The following CTNNAL1 variants were observed in gnomAD, a reference collection of about 807,000 sequenced individuals.
CTNNAL1 encodes the protein catenin alpha like 1, also known as alpha-catulin.
Under a neutral mutation model 93.6 loss-of-function variants are expected in CTNNAL1, and 69 were observed. The observed-to-expected ratio is 0.74, with a 90% CI of 0.61 to 0.90. The LOEUF is 0.90. CTNNAL1 is among the 40% of genes least tolerant of loss of function. The pLI, the probability that CTNNAL1 is intolerant of heterozygous loss-of-function variation, is 0.00. For synonymous variants in CTNNAL1, 286 were observed against 305.4 expected, an observed-to-expected ratio of 0.94 and a Z score of 0.66; for missense variants, 836 against 862.0, an observed-to-expected ratio of 0.97 and a Z score of 0.38.
intron 14 of CTNNAL1, chr9:108,950,429 T>C: frequency 6.9e-7 from 1 of 1,448,054 alleles, no homozygotes; most frequent in Non-Finnish European, 9.2e-7. Flanking sequence ...TGATGGAAAA[T>C]ATGATAAGGT....
rs545788573 is a variant in CTNNAL1 at position 109,012,525 on chromosome 9, A to G, written c.141+777T>C. Among the ~76,000 whole-genome samples the G allele has an allele frequency of 3.2e-4, 49 of 152,338 alleles. No individual in the cohort carries two copies. The Middle Eastern group carries it at 0.02, about 63-fold the overall frequency. On this transcript the variant is annotated intron_variant, in intron 1 of 18. Coordinates refer to ENST00000325551, the MANE Select transcript of CTNNAL1 (RefSeq NM_003798.4). ...TGAGGAATTCTAGCCCTGAAGCTGC[A>G]TATAACCCAGCTCAGAGAAACAAAA...
In CTNNAL1 at chr9:108,952,140, A is replaced by T; in HGVS notation, c.1835+69T>A. On this transcript the variant is annotated intron_variant, in intron 14 of 18. Coordinates refer to ENST00000325551, the MANE Select transcript of CTNNAL1 (RefSeq NM_003798.4). ...GACTTTAACCTGTCAATGATTTAAC[A>T]TGGAACTTTTTTCTTTACACCAGAT... The T allele has an allele frequency of 2.2e-6, 3 of 1,348,138 alleles. 1 individual carries two copies. The highest frequency in any genetic ancestry group is 2.8e-5 in the South Asian group (2 of 70,386). 83.5% of individuals were successfully genotyped at this position (1,348,138 alleles called of 1,614,324 possible).
chr9:108,977,334 C>A, intron 7 of CTNNAL1: 1 of 184,540 alleles, frequency 5.4e-6, no homozygotes, highest in Non-Finnish European at 1.1e-5. Flanking sequence ...ATCTAATTTT[C>A]TTTAATAAAC....
At chr9:108,989,841 G>A (rs1831732208) in intron 4 of CTNNAL1, among the ~76,000 whole-genome samples, 1 of 152,150 alleles carries the variant, frequency 6.6e-6, no homozygotes, top group Non-Finnish European at 1.5e-5. Context: ...CCTGAGATTA[G>A]GAGTTCGAGA....
chr9:108,968,586 C>A (rs1831022887), intron 10 of CTNNAL1, among the ~76,000 whole-genome samples: 1 of 152,200 alleles, frequency 6.6e-6, no homozygotes, highest in South Asian at 2.1e-4. Flanking sequence ...ATTGAAGACA[C>A]AGTTTCTCCC....
chr9:108,990,620 C>A, intron 4 of CTNNAL1, 106 bp downstream of exon 4: 1 of 1,384,446 alleles, frequency 7.2e-7, no homozygotes. Context: ...AGGCTATAGA[C>A]TTAATAAGCA....
At chr9:109,000,332 T>C (rs1826754982) in intron 1 of CTNNAL1, among the ~76,000 whole-genome samples, 1 of 152,190 alleles carries the variant, frequency 6.6e-6, no homozygotes, top group Non-Finnish European at 1.5e-5. Context: ...TATGGTAGAA[T>C]AGCAATAATT....
chr9:108,942,658 ATTG>A lies in CTNNAL1; in HGVS notation c.*108_*110del, dbSNP rs2132071063. On this transcript the variant is annotated 3_prime_UTR_variant, in exon 19 of 19. Transcript: ENST00000325551. The stretch of plus-strand genomic sequence containing the variant: ...TCAGAAAATAGAGCAAAATTTCAAT[ATTG>A]TTTTCTTTATAAAATTGATGAATTT... The A allele has an allele frequency of 8.9e-6, 7 of 790,734 alleles. No homozygotes were observed. The highest frequency in any genetic ancestry group is 2.6e-5 in the Admixed American group (1 of 38,158). 49.0% of individuals were successfully genotyped at this position (790,734 alleles called of 1,614,324 possible).
intron 11 of CTNNAL1, among the ~76,000 whole-genome samples, chr9:108,958,531 T>C (rs1294051146): frequency 6.6e-6 from 1 of 152,106 alleles, no homozygotes; most frequent in African/African-American, 2.4e-5. Flanking sequence ...TTGAGGATAA[T>C]TGCAAAATTG....
chr9:108,974,958 T>G (rs1831220650), intron 8 of CTNNAL1, among the ~76,000 whole-genome samples: 1 of 151,668 alleles, frequency 6.6e-6, no homozygotes, highest in Non-Finnish European at 1.5e-5. Context: ...AGGTCAGGAG[T>G]TTGAGACCAG....
chr9:109,000,584 T>G (rs765445979), intron 1 of CTNNAL1, among the ~76,000 whole-genome samples: 13 of 152,056 alleles, frequency 8.5e-5, no homozygotes, highest in Non-Finnish European at 1.8e-4. Context: ...CTACCTGAAA[T>G]TGACTGGTCT....
rs1166231163 is a variant in CTNNAL1, at chr9:109,013,371, G to A, written c.72C>T (p.Phe24=). Residue 24 remains phenylalanine, a synonymous_variant, in exon 1 of 19, where the codon TTC becomes TTT. Transcript: ENST00000325551. ...TGATCTCCAGTCCCGAGTCGAGGGC[G>A]AAGCCCGAAGAGCCGGAGCCGTAGA... ...GAVYGSGSSG[F]ALDSGLEIKT... is the part of the protein sequence containing the mutation. 2 of 1,513,476 alleles carry A rather than the reference G, an allele frequency of 1.3e-6. No homozygotes were observed. Among genetic ancestry groups the A allele is most frequent in the South Asian group, 1.2e-5 (1 of 80,250 alleles). The allele number at this position is 1,513,476 out of a possible 1,614,324, so 93.8% of individuals were successfully genotyped here.
intron 1 of CTNNAL1, among the ~76,000 whole-genome samples, chr9:109,012,975 A>C (rs1276153667): frequency 6.6e-6 from 1 of 151,970 alleles, no homozygotes; most frequent in Admixed American, 6.5e-5. Flanking sequence ...CGCCCCGCGG[A>C]GGGGGCATCG....
At chr9:108,983,074 T>C in intron 6 of CTNNAL1, 71 bp downstream of exon 6, 2 of 1,221,190 alleles carry the variant, frequency 1.6e-6, no homozygotes, top group Non-Finnish European at 1.0e-6. Context: ...CGAGACTCCA[T>C]CTCAAAAAAT....
intron 2 of CTNNAL1, 27 bp from the exon 3 acceptor site, chr9:108,992,846 T>C: frequency 4.4e-6 from 7 of 1,588,076 alleles, no homozygotes; most frequent in African/African-American, 1.4e-5. Flanking sequence ...GGGGAGAAAG[T>C]TAAACAGGCA....
At chr9:109,012,359 C>T (rs1380690970) in intron 1 of CTNNAL1, among the ~76,000 whole-genome samples, 3 of 152,148 alleles carry the variant, frequency 2.0e-5, no homozygotes, top group African/African-American at 7.2e-5. Context: ...TTTAAGATTT[C>T]TTCTACCTCT....
rs181791204 is a variant in CTNNAL1 at position 108,964,885 on chromosome 9, C to T, written c.1591+493G>A. Among the ~76,000 whole-genome samples the T allele has an allele frequency of 2.8e-3, 375 of 135,082 alleles. 3 individuals carry two copies. The highest frequency in any genetic ancestry group is 4.3e-3 in the Non-Finnish European group (268 of 62,192). The allele number at this position is 135,082 out of a possible 152,430, so 88.6% of individuals were successfully genotyped here. ...TTATTTATTTATTTATTTTTTGAGA[C>T]AGAGTCTTGCTCTGTCGCCCAGGCT... On this transcript the variant is annotated intron_variant, in intron 11 of 18. Coordinates refer to ENST00000325551, the MANE Select transcript of CTNNAL1 (RefSeq NM_003798.4).
At position 108,999,206 on chromosome 9, in the gene CTNNAL1, A is replaced by C. The variant is rs1041021615; in HGVS notation, c.192T>G (p.Thr64=). 2 of 1,611,158 alleles carry C rather than the reference A, an allele frequency of 1.2e-6. No homozygotes were observed. Among genetic ancestry groups the C allele is most frequent in the East Asian group, 4.5e-5 (2 of 44,832 alleles). Residue 64 remains threonine (T), a synonymous_variant, in exon 2 of 19, where the codon ACT becomes ACG. Coordinates refer to ENST00000325551, the MANE Select transcript of CTNNAL1 (RefSeq NM_003798.4). ...HKDNTKKSDK[T]LQAIQRVGQA... Reference sequence around the variant, plus strand: ...GTCCTACACGCTGAATTGCTTGCAGAGTTTTATCAGACTTTTTGGTATTAT... The same window carrying C: ...GTCCTACACGCTGAATTGCTTGCAGCGTTTTATCAGACTTTTTGGTATTAT...
At chr9:108,972,436 A>G (rs549038426) in intron 9 of CTNNAL1, among the ~76,000 whole-genome samples, 143 of 152,282 alleles carry the variant, frequency 9.4e-4, no homozygotes, top group Middle Eastern at 3.4e-3. Context: ...AACTTCTCTG[A>G]GAGGATAAGG....
Sources: gnomAD v4.1 joint callset for allele counts (sites outside exome capture counted in the v4.1 genomes callset) on GRCh38, gnomAD v4.1.1 for gene constraint, MANE v1.5 for transcripts, NCBI Gene and HGNC (gene_info 2026-07-23, HGNC 2026-07-21) for gene names.